SMYD2: variants seen among roughly 807,000 people sequenced by gnomAD.
SMYD2 encodes the protein SET and MYND domain containing 2.
A neutral mutation model predicts 59.1 loss-of-function variants in SMYD2; 53 were observed. The observed-to-expected ratio is 0.90, with a 90% CI of 0.72 to 1.13. The LOEUF is 1.13. Among genes scored for constraint, SMYD2 ranks in the 50% most tolerant of loss-of-function variants. The probability of loss-of-function intolerance (pLI) is 0.00; values close to 1 mark genes in which losing one functional copy is unlikely to be tolerated. For synonymous variants in SMYD2, 208 were observed against 198.8 expected, an observed-to-expected ratio of 1.05 and a Z score of -0.39; for missense variants, 494 against 544.7, an observed-to-expected ratio of 0.91 and a Z score of 0.93.
At chr1:214,284,502 C>G (rs1656502022) in intron 1 of SMYD2, among the ~76,000 whole-genome samples, 1 of 151,450 alleles carries the variant, frequency 6.6e-6, no homozygotes, top group Non-Finnish European at 1.5e-5. Context: ...TCCCAAAGTG[C>G]TGGGATTACA....
intron 1 of SMYD2, among the ~76,000 whole-genome samples, chr1:214,295,787 C>T (rs1247042524): frequency 6.6e-6 from 1 of 152,314 alleles, no homozygotes; most frequent in African/African-American, 2.4e-5. Context: ...TGAGTATTAT[C>T]CTTGTCCCCT....
chr1:214,281,999 C>A (rs1656458641), intron 1 of SMYD2, among the ~76,000 whole-genome samples: 2 of 152,278 alleles, frequency 1.3e-5, no homozygotes, highest in African/African-American at 4.8e-5. Context: ...TGACCACACC[C>A]CCTGGATTCT....
chr1:214,326,955 G>GA (rs1657273107), intron 6 of SMYD2, among the ~76,000 whole-genome samples: 1 of 152,218 alleles, frequency 6.6e-6, no homozygotes, highest in Non-Finnish European at 1.5e-5. Flanking sequence ...CTGTAGTTTA[G>GA]AAATTTCTGT....
chr1:214,319,029 T>C, intron 5 of SMYD2, 46 bp downstream of exon 5: 1 of 1,600,334 alleles, frequency 6.2e-7, no homozygotes. Flanking sequence ...CCTTTCCCTC[T>C]CCAAGGCCCT....
chr1:214,326,871 A>C (rs549322997), intron 6 of SMYD2, among the ~76,000 whole-genome samples: 78 of 152,298 alleles, frequency 5.1e-4, no homozygotes, highest in Admixed American at 8.5e-4. Flanking sequence ...TGGGGGAAAA[A>C]ATCCCTTTGG....
At chr1:214,330,515 G>C (rs1195210490) in intron 8 of SMYD2, among the ~76,000 whole-genome samples, 1 of 152,202 alleles carries the variant, frequency 6.6e-6, no homozygotes, top group Non-Finnish European at 1.5e-5. Context: ...CTGCCGAACT[G>C]CTCTTTCTTG....
At chr1:214,321,007 A>G (rs897230717) in intron 5 of SMYD2, among the ~76,000 whole-genome samples, 1 of 152,236 alleles carries the variant, frequency 6.6e-6, no homozygotes, top group African/African-American at 2.4e-5. Flanking sequence ...AGAGAGATGA[A>G]ATAAACATAA....
rs2102471254 is a variant in SMYD2, at chr1:214,318,963, C to T, written c.514C>T (p.Leu172Phe). 1 of 1,614,038 alleles carries T rather than the reference C, an allele frequency of 6.2e-7. No homozygotes were observed. Among genetic ancestry groups the T allele is most frequent in the South Asian group, 1.1e-5 (1 of 91,062 alleles). Residue 172 changes from leucine to phenylalanine, a missense_variant, in exon 5 of 12, where the codon CTC becomes TTC. Coordinates refer to ENST00000366957, the MANE Select transcript of SMYD2 (RefSeq NM_020197.3). The surrounding 1 kb of genome is among the most constrained non-coding windows in gnomAD (Gnocchi z 5.4). The stretch of plus-strand genomic sequence containing the variant: ...TCTCGGATTCCCTGACAATGATAGC[C>T]TCGTAGTACTCTTTGCACAGGTAAG... ...KHLGFPDNDS[L>F]VVLFAQVNCN...
Position 214,281,246 on chromosome 1 carries a change from G to T in SMYD2, c.-9G>T. The T allele has an allele frequency of 8.1e-7, 1 of 1,230,350 alleles. No individual in the cohort carries two copies. The highest frequency in any genetic ancestry group is 1.0e-6 in the Non-Finnish European group (1 of 980,004). The allele number at this position is 1,230,350 out of a possible 1,614,324, so 76.2% of individuals were successfully genotyped here. ...CGGGCACAGCCGGCGGCCGCGCCCC[G>T]CCGCCACCATGAGGGCCGAGGGCCT... On this transcript the variant is annotated 5_prime_UTR_variant, in exon 1 of 12. Coordinates refer to ENST00000366957, the MANE Select transcript of SMYD2 (RefSeq NM_020197.3).
intron 5 of SMYD2, among the ~76,000 whole-genome samples, chr1:214,321,564 C>T (rs1204410149): frequency 1.3e-5 from 2 of 152,206 alleles, no homozygotes; most frequent in Non-Finnish European, 2.9e-5. Flanking sequence ...GAGCCCTTTC[C>T]ACCGTCTGGT....
intron 2 of SMYD2, among the ~76,000 whole-genome samples, chr1:214,309,717 G>GTCA (rs771452134): frequency 1.3e-5 from 2 of 152,170 alleles, no homozygotes; most frequent in African/African-American, 2.4e-5. Flanking sequence ...GTTCACTCCT[G>GTCA]TCAGCCATAG....
intron 2 of SMYD2, among the ~76,000 whole-genome samples, chr1:214,309,073 A>G: frequency 6.6e-6 from 1 of 152,166 alleles, no homozygotes; most frequent in East Asian, 1.9e-4. Flanking sequence ...GATCCTAGCC[A>G]TGGTGTATGT....
At chr1:214,308,772 TG>T (rs1429441182) in intron 2 of SMYD2, among the ~76,000 whole-genome samples, 1 of 152,186 alleles carries the variant, frequency 6.6e-6, no homozygotes, top group African/African-American at 2.4e-5. Flanking sequence ...CCCAAGTGGT[TG>T]GGTGACCCAA....
intron 1 of SMYD2, among the ~76,000 whole-genome samples, chr1:214,286,343 G>A (rs1319926113): frequency 6.6e-6 from 1 of 152,094 alleles, no homozygotes; most frequent in Non-Finnish European, 1.5e-5. Flanking sequence ...GTGGTAGCCT[G>A]GGCCTGTAGT....
chr1:214,287,752 C>G (rs998229399), intron 1 of SMYD2, among the ~76,000 whole-genome samples: 1 of 152,072 alleles, frequency 6.6e-6, no homozygotes, highest in African/African-American at 2.4e-5. Flanking sequence ...AAACCTTCTT[C>G]AAAAAAGAGC....
At chr1:214,334,395 T>C in intron 11 of SMYD2, 87 bp downstream of exon 11, 1 of 1,250,710 alleles carries the variant, frequency 8.0e-7, no homozygotes, top group Non-Finnish European at 1.2e-6. Context: ...GCTGAATGGC[T>C]GAAGCAGTGG....
Position 214,327,714 on chromosome 1 carries a change from C to T in SMYD2, c.695C>T (p.Pro232Leu), listed in dbSNP as rs140909791. 262 of 1,614,072 alleles carry T rather than the reference C, an allele frequency of 1.6e-4. 4 individuals are homozygous for T. The South Asian group carries it at 2.6e-3, about 16-fold the overall frequency. ...GTCAGAGCTGTACAGGAAATCAAGC[C>T]GGGAGAGGAGGTGAGTTCATGGCTA... ...AEVRAVQEIK[P>L]GEEVFTSYID... Residue 232 changes from proline to leucine, a missense_variant, in exon 7 of 12, where the codon CCG becomes CTG. Coordinates refer to ENST00000366957, the MANE Select transcript of SMYD2 (RefSeq NM_020197.3).
In SMYD2 at chr1:214,318,059, A is replaced by G. The variant is rs757843830; in HGVS notation, c.349-20A>G. ...TTGTTAAAAAATCTGTATCTGTGTG[A>G]TTTCTTCCCCAATTGCTAGAAAATC... On this transcript the variant is annotated intron_variant, in intron 3 of 11. Transcript: ENST00000366957. This position sits in a 1 kb window ranked among gnomAD's most constrained non-coding sequence, Gnocchi z 5.4. The G allele has an allele frequency of 6.2e-7, 1 of 1,609,888 alleles. No homozygotes were observed. Among genetic ancestry groups the G allele is most frequent in the East Asian group, 2.2e-5 (1 of 44,850 alleles).
intron 1 of SMYD2, among the ~76,000 whole-genome samples, chr1:214,284,612 G>C (rs1558046351): frequency 1.3e-5 from 2 of 151,540 alleles, no homozygotes; most frequent in South Asian, 4.2e-4. Context: ...TGTTGCCCAG[G>C]CTGGAGTGCA....
Sources: allele counts gnomAD v4.1 joint callset (sites outside exome capture counted in the v4.1 genomes callset), GRCh38; gene constraint gnomAD v4.1.1; non-coding constraint Gnocchi (gnomAD v3.1); transcripts MANE v1.5; gene names NCBI Gene and HGNC (gene_info 2026-07-23, HGNC 2026-07-21).